The following NKAIN3 variants were observed in gnomAD, a reference collection of about 807,000 sequenced individuals.
The protein encoded by NKAIN3 is sodium/potassium-transporting ATPase subunit beta-1-interacting protein 3.
A neutral mutation model predicts 30.2 loss-of-function variants in NKAIN3; 25 were observed. That is an observed-to-expected ratio of 0.83 (90% CI 0.60 to 1.16). The LOEUF is 1.16. Among genes scored for constraint, NKAIN3 ranks in the 50% most tolerant of loss-of-function variants. The probability of loss-of-function intolerance (pLI) is 0.00; values close to 1 mark genes in which losing one functional copy is unlikely to be tolerated. For missense variants in NKAIN3, 225 were observed against 254.1 expected, an observed-to-expected ratio of 0.89 and a Z score of 0.78; for synonymous variants, 91 against 89.6, an observed-to-expected ratio of 1.02 and a Z score of -0.09.
intron 1 of NKAIN3, among the ~76,000 whole-genome samples, chr8:62,420,701 A>G (rs1804609131): frequency 6.6e-6 from 1 of 152,196 alleles, no homozygotes; most frequent in South Asian, 2.1e-4. Context: ...GAAGATTTAT[A>G]TTAAGATTAA....
chr8:62,640,493 G>A (rs1188999064), intron 3 of NKAIN3, among the ~76,000 whole-genome samples: 1 of 152,044 alleles, frequency 6.6e-6, no homozygotes, highest in African/African-American at 2.4e-5. Flanking sequence ...CTAGTTTTGG[G>A]TAGTATCTCT....
At chr8:62,849,038 T>C (rs1429951051) in intron 4 of NKAIN3, among the ~76,000 whole-genome samples, 2 of 152,160 alleles carry the variant, frequency 1.3e-5, no homozygotes, top group Non-Finnish European at 2.9e-5. Context: ...GATAAGCTTT[T>C]TGATGTGCTA....
chr8:62,855,330 C>A (rs1401958337), intron 4 of NKAIN3: 2 of 597,248 alleles, frequency 3.3e-6, no homozygotes, highest in Non-Finnish European at 3.1e-6. Context: ...TCAGAGAGAA[C>A]TTCCAGCAGC....
At chr8:62,713,348 C>T (rs1186605547) in intron 3 of NKAIN3, among the ~76,000 whole-genome samples, 1 of 152,178 alleles carries the variant, frequency 6.6e-6, no homozygotes, top group Admixed American at 6.5e-5. Context: ...ACATCCAAAA[C>T]GTAGAACTAC....
intron 4 of NKAIN3, among the ~76,000 whole-genome samples, chr8:62,753,208 GCACA>G (rs10636968): frequency 2.2e-4 from 33 of 147,048 alleles, no homozygotes; most frequent in South Asian, 4.4e-4. Flanking sequence ...TAAAGAGGAT[GCACA>G]CACACACACA....
chr8:62,372,505 T>C (rs1816942558), intron 1 of NKAIN3, among the ~76,000 whole-genome samples: 1 of 151,994 alleles, frequency 6.6e-6, no homozygotes, highest in Admixed American at 6.5e-5. Flanking sequence ...CCTTTAGACA[T>C]TCATCCATTT....
intron 3 of NKAIN3, among the ~76,000 whole-genome samples, chr8:62,693,624 A>T (rs928903480): frequency 3.3e-5 from 5 of 152,174 alleles, no homozygotes; most frequent in Non-Finnish European, 7.3e-5. Context: ...CTAAAAACAA[A>T]ATCTTATGTG....
At chr8:62,661,460 A>G (rs547260074) in intron 3 of NKAIN3, among the ~76,000 whole-genome samples, 1 of 152,314 alleles carries the variant, frequency 6.6e-6, no homozygotes, top group East Asian at 1.9e-4. Flanking sequence ...AATCTTTCTC[A>G]TGAGCCTCTA....
chr8:62,460,362 G>A lies in NKAIN3; in HGVS notation c.55-119177G>A, dbSNP rs895604555. Among the ~76,000 whole-genome samples the A allele has an allele frequency of 1.0e-4, 15 of 145,654 alleles. No homozygotes were observed. In the Middle Eastern group the frequency reaches 0.012, roughly 113 times the overall value. On this transcript the variant is annotated intron_variant, in intron 1 of 6. Coordinates refer to ENST00000623646, the MANE Select transcript of NKAIN3 (RefSeq NM_001304533.3). ...AGGAGGCTGGGTTGCCGTGAGCTGA[G>A]ATCACACCATTGCACTCCAGCCTGG...
At chr8:62,868,220 A>C (rs1380217922) in intron 4 of NKAIN3, among the ~76,000 whole-genome samples, 1 of 152,240 alleles carries the variant, frequency 6.6e-6, no homozygotes, top group Non-Finnish European at 1.5e-5. Context: ...CAACTGCTTT[A>C]AATAACCCTC....
intron 3 of NKAIN3, among the ~76,000 whole-genome samples, chr8:62,599,571 A>G (rs1810931089): frequency 6.6e-6 from 1 of 152,014 alleles, no homozygotes. Context: ...GGAGAAATTA[A>G]CAGACATCAC....
intron 1 of NKAIN3, among the ~76,000 whole-genome samples, chr8:62,475,215 G>A (rs775348091): frequency 2.0e-5 from 3 of 152,142 alleles, no homozygotes; most frequent in Admixed American, 6.5e-5. Context: ...CATGATGTTC[G>A]TGATGAGAAT....
chr8:62,829,612 C>T (rs936163686), intron 4 of NKAIN3, among the ~76,000 whole-genome samples: 2 of 151,974 alleles, frequency 1.3e-5, no homozygotes, highest in Non-Finnish European at 2.9e-5. Context: ...CATAAACAGA[C>T]ATATCATATT....
intron 1 of NKAIN3, among the ~76,000 whole-genome samples, chr8:62,392,101 A>C (rs777810435): frequency 2.6e-5 from 4 of 152,058 alleles, no homozygotes; most frequent in Non-Finnish European, 2.9e-5. Flanking sequence ...TTGACAAACT[A>C]TCAGAGCTGC....
intron 4 of NKAIN3, among the ~76,000 whole-genome samples, chr8:62,858,802 C>T (rs887333056): frequency 6.6e-6 from 1 of 152,252 alleles, no homozygotes; most frequent in African/African-American, 2.4e-5. Context: ...CCTTTTACTG[C>T]AGGCTGGCTG....
chr8:62,582,359 C>A (rs977757620), intron 2 of NKAIN3, among the ~76,000 whole-genome samples: 4 of 152,100 alleles, frequency 2.6e-5, no homozygotes, highest in African/African-American at 7.2e-5. Flanking sequence ...CCTTACAGTG[C>A]AATGAAGAGA....
At chr8:62,826,590 T>C (rs1251552642) in intron 4 of NKAIN3, among the ~76,000 whole-genome samples, 1 of 152,160 alleles carries the variant, frequency 6.6e-6, no homozygotes, top group East Asian at 1.9e-4. Context: ...TGGATGAACG[T>C]AGAGAAATTG....
At chr8:62,863,436 A>C (rs1432351816) in intron 4 of NKAIN3, 14 of 1,554,746 alleles carry the variant, frequency 9.0e-6, no homozygotes, top group Non-Finnish European at 1.2e-5. Context: ...TCTTGGTCTT[A>C]CTGTGTAGAT....
chr8:62,361,197 A>G (rs73256792), intron 1 of NKAIN3, among the ~76,000 whole-genome samples: 1 of 152,222 alleles, frequency 6.6e-6, no homozygotes, highest in Non-Finnish European at 1.5e-5. Flanking sequence ...AGGAAATACA[A>G]CTAATAACAT....
Sources: allele counts gnomAD v4.1 joint callset (sites outside exome capture counted in the v4.1 genomes callset), GRCh38; gene constraint gnomAD v4.1.1; transcripts MANE v1.5; gene names NCBI Gene and HGNC (gene_info 2026-07-23, HGNC 2026-07-21).